The following MGST2 variants were observed in gnomAD, a reference collection of about 807,000 sequenced individuals.
MGST2 encodes glutathione peroxidase MGST2.
Under a neutral mutation model 16.6 loss-of-function variants are expected in MGST2, and 9 were observed. The ratio of observed to expected loss-of-function variants is 0.54; its 90% CI spans 0.33 to 0.95. The LOEUF is 0.95. MGST2 is among the 40% of genes least tolerant of loss of function. MGST2 has a pLI of 0.03. For synonymous variants in MGST2, 79 were observed against 68.0 expected, an observed-to-expected ratio of 1.16 and a Z score of -0.79; for missense variants, 159 against 175.1, an observed-to-expected ratio of 0.91 and a Z score of 0.52.
chr4:139,672,766 G>C (rs2110799205), intron 1 of MGST2, among the ~76,000 whole-genome samples: 1 of 152,232 alleles, frequency 6.6e-6, no homozygotes, highest in African/African-American at 2.4e-5. Context: ...GGCCGGGCTT[G>C]TCTCAAACTC....
At chr4:139,692,726 A>G (rs1726681353) in intron 2 of MGST2, among the ~76,000 whole-genome samples, 1 of 152,154 alleles carries the variant, frequency 6.6e-6, no homozygotes, top group Non-Finnish European at 1.5e-5. Context: ...CATCCCCTCT[A>G]TTTTTATTTC....
At chr4:139,719,772 G>A in intron 5 of MGST2, 1 of 1,613,712 alleles carries the variant, frequency 6.2e-7, no homozygotes, top group Non-Finnish European at 8.5e-7. Flanking sequence ...CCAGCTTGAA[G>A]AGGGTAGCTG....
At chr4:139,698,350 G>A (rs1478713213) in intron 3 of MGST2, 1 of 1,598,328 alleles carries the variant, frequency 6.3e-7, no homozygotes, top group African/African-American at 1.3e-5. Context: ...ACCAGACGCT[G>A]GAAGGGAAGT....
intron 5 of MGST2, chr4:139,725,943 T>G: frequency 2.2e-6 from 2 of 897,176 alleles, no homozygotes; most frequent in Non-Finnish European, 1.8e-6. Flanking sequence ...AAAACTAAAC[T>G]TTGTGTTGAA....
At chr4:139,706,064 G>A (rs1266112940), downstream of MGST2, among the ~76,000 whole-genome samples, 1 of 152,132 alleles carries the variant, frequency 6.6e-6, no homozygotes, top group African/African-American at 2.4e-5. Context: ...TACAATAGAA[G>A]TTAAAAAGGC....
chr4:139,714,441 C>T (rs879781263), intron 5 of MGST2, among the ~76,000 whole-genome samples: 4 of 152,214 alleles, frequency 2.6e-5, no homozygotes, highest in Non-Finnish European at 5.9e-5. Flanking sequence ...TTCTCTTTCC[C>T]TGAGGGGCCC....
At chr4:139,728,883 T>C (rs2110982423) in intron 5 of MGST2, among the ~76,000 whole-genome samples, 1 of 152,316 alleles carries the variant, frequency 6.6e-6, no homozygotes, top group Non-Finnish European at 1.5e-5. Context: ...TGGGCCTTCT[T>C]TGTGTCTTTG....
intron 5 of MGST2, among the ~76,000 whole-genome samples, chr4:139,729,222 T>C (rs1157707219): frequency 1.3e-5 from 2 of 151,058 alleles, no homozygotes; most frequent in Admixed American, 1.3e-4. Flanking sequence ...ATTTTTCTCT[T>C]TGGGGGATGC....
chr4:139,682,722 C>T (rs1277383885), intron 2 of MGST2, among the ~76,000 whole-genome samples: 8 of 152,088 alleles, frequency 5.3e-5, no homozygotes, highest in African/African-American at 1.9e-4. Flanking sequence ...TTTAGAATTC[C>T]AGGCAAGAGA....
chr4:139,713,223 C>T (rs917639285), intron 5 of MGST2, among the ~76,000 whole-genome samples: 1 of 152,112 alleles, frequency 6.6e-6, no homozygotes, highest in African/African-American at 2.4e-5. Flanking sequence ...ATTTCTGATA[C>T]CCCCCAAACT....
chr4:139,684,221 C>T (rs553690873), intron 2 of MGST2, among the ~76,000 whole-genome samples: 61 of 152,254 alleles, frequency 4.0e-4, no homozygotes, highest in East Asian at 2.7e-3. Context: ...CCACCGTACC[C>T]GGCCTAAAAC....
intron 5 of MGST2, among the ~76,000 whole-genome samples, chr4:139,738,717 G>GA (rs374950034): frequency 2.7e-5 from 4 of 148,970 alleles, no homozygotes; most frequent in Non-Finnish European, 6.0e-5. Context: ...AAGGTACAGA[G>GA]AAAAAAAAAT....
chr4:139,705,579 C>T (rs1727488580), downstream of MGST2: 1 of 152,102 alleles, frequency 6.6e-6, no homozygotes, highest in South Asian at 2.1e-4. Flanking sequence ...TATCTGCCAT[C>T]CTCCAAATTC....
At chr4:139,714,866 C>T (rs1241203650) in intron 5 of MGST2, among the ~76,000 whole-genome samples, 5 of 152,182 alleles carry the variant, frequency 3.3e-5, no homozygotes, top group Non-Finnish European at 5.9e-5. Flanking sequence ...ATCCTACCAG[C>T]TCTCAAATTT....
At chr4:139,692,597 C>G (rs1934314629) in intron 2 of MGST2, among the ~76,000 whole-genome samples, 1 of 152,248 alleles carries the variant, frequency 6.6e-6, no homozygotes, top group African/African-American at 2.4e-5. Context: ...CCACTTGTAT[C>G]TGGAATCTCA....
chr4:139,710,503 G>C (rs1397841133), intron 5 of MGST2, among the ~76,000 whole-genome samples: 1 of 152,140 alleles, frequency 6.6e-6, no homozygotes, highest in Non-Finnish European at 1.5e-5. Context: ...ACTTCTCAGA[G>C]CTTCACGTTT....
chr4:139,701,232 A>G (rs908948113), intron 3 of MGST2, among the ~76,000 whole-genome samples: 1 of 152,148 alleles, frequency 6.6e-6, no homozygotes, highest in Non-Finnish European at 1.5e-5. Context: ...ATTTCTTTTC[A>G]TTCTTTCTCA....
intron 2 of MGST2, among the ~76,000 whole-genome samples, chr4:139,691,691 G>GATTATT (rs1202163581): frequency 1.5e-5 from 2 of 129,956 alleles, no homozygotes; most frequent in African/African-American, 3.5e-5. Flanking sequence ...TGATGATGAT[G>GATTATT]ATGATGATTA....
the MGST2 span, among the ~76,000 whole-genome samples, chr4:139,749,732 C>T: frequency 2.2e-4 from 34 of 152,296 alleles, no homozygotes; most frequent in South Asian, 7.0e-3. Context: ...GAGGTTGCCA[C>T]TCAAGTGTGG....
Sources: gnomAD v4.1 joint callset for allele counts (sites outside exome capture counted in the v4.1 genomes callset) on GRCh38, gnomAD v4.1.1 for gene constraint, MANE v1.5 for transcripts, NCBI Gene and HGNC (gene_info 2026-07-23, HGNC 2026-07-21) for gene names.